Variants in MRAP2 observed in about 807,000 individuals in gnomAD.
MRAP2 encodes the protein melanocortin 2 receptor accessory protein 2.
MRAP2 carries 20 observed loss-of-function variants against 17.4 expected under a neutral mutation model. The observed-to-expected ratio is 1.15, with a 90% CI of 0.81 to 1.67. The LOEUF (loss-of-function observed/expected upper bound fraction) is 1.67, where lower values mean the gene tolerates loss of function less well. MRAP2 is among the 40% of genes most tolerant of loss of function. The probability of loss-of-function intolerance (pLI) is 0.00; values close to 1 mark genes in which losing one functional copy is unlikely to be tolerated. For synonymous variants in MRAP2, 96 were observed against 88.4 expected (o/e 1.09, Z -0.48); for missense variants, 238 against 240.0 (o/e 0.99, Z 0.05).
At chr6:84,053,255 C>G (rs1480795200) in intron 1 of MRAP2, among the ~76,000 whole-genome samples, 1 of 152,200 alleles carries the variant, frequency 6.6e-6, no homozygotes, top group Non-Finnish European at 1.5e-5. Context: ...GTCCCTCCCT[C>G]TGCTCTGCTA....
intron 1 of MRAP2, among the ~76,000 whole-genome samples, chr6:84,046,805 AAGG>A (rs1312665730): frequency 3.3e-5 from 5 of 151,136 alleles, no homozygotes; most frequent in Non-Finnish European, 3.0e-5. Flanking sequence ...AAAAAAAAAA[AAGG>A]AGAATTTGGG....
chr6:84,085,011 A>G (rs941706077), intron 3 of MRAP2, among the ~76,000 whole-genome samples: 18 of 150,636 alleles, frequency 1.2e-4, no homozygotes, highest in Admixed American at 1.1e-3. Flanking sequence ...GGTTTGTTAT[A>G]TATGTATACA....
chr6:84,099,133 G>A, the MRAP2 span, among the ~76,000 whole-genome samples: 4 of 147,936 alleles, frequency 2.7e-5, no homozygotes, highest in Admixed American at 2.0e-4. Flanking sequence ...TAAACATGGT[G>A]TGAGATCACC....
At chr6:84,109,844 G>T in the MRAP2 span, among the ~76,000 whole-genome samples, 1 of 151,016 alleles carries the variant, frequency 6.6e-6, no homozygotes, top group Non-Finnish European at 1.5e-5. Flanking sequence ...GAGTGAGAAC[G>T]TGCGGTGTTT....
chr6:84,066,170 T>C (rs1360508832), intron 3 of MRAP2, among the ~76,000 whole-genome samples: 1 of 152,208 alleles, frequency 6.6e-6, no homozygotes, highest in Non-Finnish European at 1.5e-5. Context: ...CACTAGACAG[T>C]CTGTCTTTGA....
At chr6:84,037,909 A>C (rs781725933) in intron 1 of MRAP2, among the ~76,000 whole-genome samples, 36 of 152,292 alleles carry the variant, frequency 2.4e-4, no homozygotes, top group Non-Finnish European at 4.4e-4. Flanking sequence ...GGTGTGCTGA[A>C]GGACTCCTCA....
At chr6:84,073,888 G>GTGTT (rs1554438046) in intron 3 of MRAP2, among the ~76,000 whole-genome samples, 1 of 137,878 alleles carries the variant, frequency 7.3e-6, no homozygotes, top group African/African-American at 2.7e-5. Context: ...GTGTGTGTGT[G>GTGTT]TTTTTTTTTT....
Position 84,063,187 on chromosome 6 carries a change from A to C in MRAP2, c.227+195A>C. On this transcript the variant is annotated intron_variant, in intron 3 of 3. Coordinates refer to ENST00000257776, the MANE Select transcript of MRAP2 (RefSeq NM_138409.4). ...TTTTTGTTTCTTGCGTCTTGGGCTT[A>C]TTTTCAAGTGGACTTTTATGAAATT... is the stretch of plus-strand genomic sequence containing the variant. 3.0e-6 allele frequency: 3 copies of C among 985,298 alleles called. 1 individual carries two copies. The South Asian group carries it at 1.4e-4, about 46-fold the overall frequency. The allele number at this position is 985,298 out of a possible 1,614,324, so 61.0% of individuals were successfully genotyped here. A position where few individuals can be genotyped will look rare whatever the true frequency, so the allele number is the denominator to read the frequency against.
At chr6:84,064,709 G>C (rs186560963) in intron 3 of MRAP2, among the ~76,000 whole-genome samples, 37 of 152,230 alleles carry the variant, frequency 2.4e-4, no homozygotes, top group African/African-American at 7.2e-4. Flanking sequence ...GGATGGTCTC[G>C]ATCTGCTGAC....
At chr6:84,122,518 T>G in the MRAP2 span, among the ~76,000 whole-genome samples, 1 of 151,902 alleles carries the variant, frequency 6.6e-6, no homozygotes, top group Admixed American at 6.6e-5. Context: ...AAACACCAGA[T>G]AAAATCTAAT....
At chr6:84,102,770 C>T in the MRAP2 span, among the ~76,000 whole-genome samples, 5 of 151,358 alleles carry the variant, frequency 3.3e-5, no homozygotes, top group South Asian at 8.4e-4. Flanking sequence ...AGGAGGACCT[C>T]GGTGATTAAG....
the MRAP2 span, among the ~76,000 whole-genome samples, chr6:84,126,182 T>C: frequency 6.6e-6 from 1 of 152,214 alleles, no homozygotes; most frequent in Non-Finnish European, 1.5e-5. Flanking sequence ...GATATAAGGA[T>C]ACCAATCTTC....
At chr6:84,128,885 C>T in the MRAP2 span, among the ~76,000 whole-genome samples, 1 of 151,280 alleles carries the variant, frequency 6.6e-6, no homozygotes, top group Non-Finnish European at 1.5e-5. Flanking sequence ...ATGTTCCCCT[C>T]CTATGTCACT....
chr6:84,071,732 A>T (rs1019952101), intron 3 of MRAP2, among the ~76,000 whole-genome samples: 2 of 152,110 alleles, frequency 1.3e-5, no homozygotes, highest in African/African-American at 4.8e-5. Context: ...CTTAGGTTTC[A>T]TTGTTTAACA....
At chr6:84,083,163 A>T (rs954596981) in intron 3 of MRAP2, among the ~76,000 whole-genome samples, 1 of 152,280 alleles carries the variant, frequency 6.6e-6, no homozygotes, top group Middle Eastern at 3.4e-3. Flanking sequence ...AAACAAACAA[A>T]AATCCCTCTA....
At chr6:84,062,166 A>G in intron 2 of MRAP2, 1 of 930,262 alleles carries the variant, frequency 1.1e-6, no homozygotes, top group Non-Finnish European at 1.3e-6. Flanking sequence ...GCATACTTGC[A>G]TTCTTAGGTA....
At chr6:84,049,061 T>G (rs75178782) in intron 1 of MRAP2, among the ~76,000 whole-genome samples, 1,987 of 152,282 alleles carry the variant, frequency 0.013, 38 homozygotes, top group African/African-American at 0.042. Context: ...AAATTCTTGA[T>G]GTCCAGCTGA....
chr6:84,070,858 G>T (rs1437898120), intron 3 of MRAP2, among the ~76,000 whole-genome samples: 1 of 152,162 alleles, frequency 6.6e-6, no homozygotes, highest in Admixed American at 6.5e-5. Flanking sequence ...TTTAAAGTTT[G>T]TTTTGTCTGA....
the MRAP2 span, among the ~76,000 whole-genome samples, chr6:84,114,227 G>A: frequency 1.3e-5 from 2 of 152,020 alleles, no homozygotes; most frequent in East Asian, 1.9e-4. Flanking sequence ...TCAAACATAC[G>A]TTTGGTCTTT....
Sources: gnomAD v4.1 joint callset for allele counts (sites outside exome capture counted in the v4.1 genomes callset) on GRCh38, gnomAD v4.1.1 for gene constraint, MANE v1.5 for transcripts, NCBI Gene and HGNC (gene_info 2026-07-23, HGNC 2026-07-21) for gene names.